TEX9: variants seen among roughly 807,000 people sequenced by gnomAD.
TEX9 encodes the protein testis expressed 9.
In TEX9, 74 loss-of-function variants were observed where a neutral mutation model predicts 59.6. That is an observed-to-expected ratio of 1.24 (90% CI 1.03 to 1.51). The LOEUF is 1.51. Among genes scored for constraint, TEX9 ranks in the 40% most tolerant of loss-of-function variants. TEX9 has a pLI of 0.00. For missense variants in TEX9, 522 were observed against 447.8 expected, an observed-to-expected ratio of 1.17 and a Z score of -1.49; for synonymous variants, 186 against 152.2, an observed-to-expected ratio of 1.22 and a Z score of -1.64.
At position 56,277,460 on chromosome 15, in the gene TEX9, G is replaced by A. The variant is rs959311880; in HGVS notation, c.-107+33182G>A. 2.0e-5 allele frequency among the ~76,000 whole-genome samples: 3 copies of A among 152,098 alleles called. No individual in the cohort carries two copies. The South Asian group carries it at 6.2e-4, about 32-fold the overall frequency. On this transcript the variant is annotated intron_variant, in intron 1 of 5. Transcript: ENST00000560827. Reference sequence around the variant, plus strand: ...TTTCCCCATTGGTTGTTTTTATCAGGTTTGTTGAAGATCAGATGGTTGTAG... The same window carrying A: ...TTTCCCCATTGGTTGTTTTTATCAGATTTGTTGAAGATCAGATGGTTGTAG...
chr15:56,347,418 G>T (rs1404365795), intron 1 of TEX9, among the ~76,000 whole-genome samples: 1 of 151,960 alleles, frequency 6.6e-6, no homozygotes, highest in Non-Finnish European at 1.5e-5. Flanking sequence ...CCCAGAAAGG[G>T]AGCCAGAAAA....
At chr15:56,401,318 A>AAC (rs1354712196) in intron 9 of TEX9, among the ~76,000 whole-genome samples, 6 of 149,326 alleles carry the variant, frequency 4.0e-5, no homozygotes, top group African/African-American at 7.3e-5. Flanking sequence ...CAAAAAAAAA[A>AAC]AAAAAAAAAA....
intron 4 of TEX9, among the ~76,000 whole-genome samples, chr15:56,385,236 C>T (rs907155449): frequency 3.3e-5 from 5 of 152,160 alleles, no homozygotes; most frequent in Admixed American, 2.6e-4. Flanking sequence ...CAACAGCACA[C>T]TCTTGATTAC....
At chr15:56,254,818 A>C (rs1373382081) in intron 1 of TEX9, among the ~76,000 whole-genome samples, 2 of 151,226 alleles carry the variant, frequency 1.3e-5, no homozygotes, top group Non-Finnish European at 3.0e-5. Context: ...AAATATAACA[A>C]TTATCCTCAA....
chr15:56,373,530 AT>A (rs1374471934), intron 3 of TEX9, 26 bp downstream of exon 3: 3 of 1,500,760 alleles, frequency 2.0e-6, no homozygotes, highest in East Asian at 2.6e-5. Context: ...ATTATTAATA[AT>A]TCTATATAAA....
upstream of TEX9, among the ~76,000 whole-genome samples, chr15:56,363,843 C>G (rs548850199): frequency 6.9e-6 from 1 of 144,404 alleles, no homozygotes; most frequent in South Asian, 2.3e-4. Flanking sequence ...TTTTATTTAT[C>G]TATTTCCTTT....
At chr15:56,359,107 A>T (rs954834730) in intron 1 of TEX9, among the ~76,000 whole-genome samples, 11 of 152,120 alleles carry the variant, frequency 7.2e-5, no homozygotes, top group Non-Finnish European at 1.2e-4. Context: ...TGGCTGTGAC[A>T]GTTTCACAGC....
intron 1 of TEX9, among the ~76,000 whole-genome samples, chr15:56,316,946 A>G (rs554070017): frequency 4.7e-4 from 72 of 152,202 alleles, no homozygotes; most frequent in East Asian, 1.9e-3. Context: ...TCTTTGACTC[A>G]GAAAGGGAAC....
intron 9 of TEX9, among the ~76,000 whole-genome samples, chr15:56,409,461 GTTC>G (rs1405180295): frequency 4.6e-5 from 7 of 151,910 alleles, no homozygotes; most frequent in African/African-American, 1.7e-4. Context: ...TGTCTTCATT[GTTC>G]TTATTATCTG....
intron 1 of TEX9, among the ~76,000 whole-genome samples, chr15:56,355,765 C>T (rs1323153860): frequency 6.6e-6 from 1 of 152,060 alleles, no homozygotes; most frequent in Non-Finnish European, 1.5e-5. Flanking sequence ...TGATGTTTTG[C>T]AGCTTTCAGC....
In TEX9 at chr15:56,325,961, C is replaced by A. The variant is rs373764180; in HGVS notation, c.-106-47480C>A. ...GTCTCAAGGTCTGATAATGAACATA[C>A]GGTCCCCAATTATTTAACACTCCAG... On this transcript the variant is annotated intron_variant, in intron 1 of 5. Coordinates refer to the TEX9 transcript ENST00000560827. Among the ~76,000 whole-genome samples the A allele has an allele frequency of 1.6e-3, 250 of 152,256 alleles. 3 individuals are homozygous for A. The highest frequency in any genetic ancestry group is 5.7e-3 in the African/African-American group (238 of 41,534).
chr15:56,377,834 G>A (rs925765993), intron 3 of TEX9, among the ~76,000 whole-genome samples: 1 of 151,988 alleles, frequency 6.6e-6, no homozygotes, highest in Non-Finnish European at 1.5e-5. Context: ...TTTCCCATTC[G>A]GTATGATACT....
At chr15:56,418,518 G>A (rs2049812764) in intron 10 of TEX9, among the ~76,000 whole-genome samples, 1 of 151,114 alleles carries the variant, frequency 6.6e-6, no homozygotes, top group Admixed American at 6.6e-5. Context: ...GGGCGTGGTG[G>A]TGGGCGCCTG....
chr15:56,378,872 C>T (rs984793842), intron 3 of TEX9, among the ~76,000 whole-genome samples: 1 of 151,842 alleles, frequency 6.6e-6, no homozygotes, highest in Non-Finnish European at 1.5e-5. Context: ...TTGAGACCAG[C>T]CTGGGCAACA....
At position 56,391,204 on chromosome 15, in the gene TEX9, C is replaced by T. The variant is rs201952426; in HGVS notation, c.396-39C>T. The T allele has an allele frequency of 7.0e-4, 931 of 1,330,128 alleles. 4 individuals carry two copies. Among genetic ancestry groups the T allele is most frequent in the Middle Eastern group, 4.9e-3 (25 of 5,090 alleles). 82.4% of individuals were successfully genotyped at this position (1,330,128 alleles called of 1,614,324 possible). Reference sequence around the variant, plus strand: ...ACCTTTCCTATTTTGTTCATATGTACGTATATACATACATATGTATTTAAT... The same window carrying T: ...ACCTTTCCTATTTTGTTCATATGTATGTATATACATACATATGTATTTAAT... On this transcript the variant is annotated intron_variant, in intron 6 of 12. Transcript: ENST00000352903.
At chr15:56,447,966 A>G (rs2050920240), downstream of TEX9, among the ~76,000 whole-genome samples, 2 of 152,200 alleles carry the variant, frequency 1.3e-5, no homozygotes, top group South Asian at 2.1e-4. Flanking sequence ...TTTATTGCAT[A>G]TAGTAATTGC....
At chr15:56,381,166 C>T (rs1945511377) in intron 3 of TEX9, among the ~76,000 whole-genome samples, 1 of 152,036 alleles carries the variant, frequency 6.6e-6, no homozygotes, top group South Asian at 2.1e-4. Flanking sequence ...AATTCTTCTG[C>T]TTGATCAGTT....
chr15:56,412,275 T>C (rs769765607), intron 9 of TEX9, 27 bp from the exon 10 acceptor site: 2 of 1,570,714 alleles, frequency 1.3e-6, no homozygotes, highest in Non-Finnish European at 1.7e-6. Flanking sequence ...TATTTATAAA[T>C]GTTCCATAAT....
At chr15:56,378,137 A>G (rs1257658050) in intron 3 of TEX9, among the ~76,000 whole-genome samples, 2 of 151,974 alleles carry the variant, frequency 1.3e-5, no homozygotes, top group African/African-American at 4.8e-5. Flanking sequence ...GTATTTTTTG[A>G]GGATTTTTGC....
Sources: gnomAD v4.1 joint callset for allele counts (sites outside exome capture counted in the v4.1 genomes callset) on GRCh38, gnomAD v4.1.1 for gene constraint, MANE v1.5 for transcripts, NCBI Gene and HGNC (gene_info 2026-07-23, HGNC 2026-07-21) for gene names.